Variants in CACNA1A observed in about 807,000 individuals in gnomAD.
CACNA1A encodes calcium voltage-gated channel subunit alpha1 A, also known as voltage-dependent P/Q-type calcium channel subunit alpha-1A.
A neutral mutation model predicts 262.4 loss-of-function variants in CACNA1A; 57 were observed. The ratio of observed to expected loss-of-function variants is 0.22; its 90% CI spans 0.18 to 0.27. The LOEUF is 0.27. Among genes scored for constraint, CACNA1A ranks in the 10% least tolerant of loss-of-function variants. CACNA1A has a pLI of 1.00. For synonymous variants in CACNA1A, 1,431 were observed against 1,419.3 expected, an observed-to-expected ratio of 1.01 and a Z score of -0.18; for missense variants, 2,526 against 3,562.8, an observed-to-expected ratio of 0.71 and a Z score of 7.41.
At chr19:13,446,968 GA>G (rs2060827394) in intron 3 of CACNA1A, among the ~76,000 whole-genome samples, 1 of 152,070 alleles carries the variant, frequency 6.6e-6, no homozygotes, top group Non-Finnish European at 1.5e-5. Context: ...TTGGAATTTG[GA>G]GTAATAAAAT....
At chr19:13,289,569 T>C (rs1473922845) in intron 19 of CACNA1A, among the ~76,000 whole-genome samples, 1 of 152,170 alleles carries the variant, frequency 6.6e-6, no homozygotes, top group Admixed American at 6.5e-5. Context: ...TCCTGGAGAC[T>C]GAAGCAATGA....
At chr19:13,319,442 T>C (rs1392786813) in intron 10 of CACNA1A, among the ~76,000 whole-genome samples, 2 of 152,214 alleles carry the variant, frequency 1.3e-5, no homozygotes, top group Admixed American at 1.3e-4. Context: ...CCATTCATTA[T>C]TCATTTGCTC....
rs2144767685 is a variant in CACNA1A at position 13,261,614 on chromosome 19, T to C, written c.4090-4A>G. On this transcript the variant is annotated splice_region_variant and splice_polypyrimidine_tract_variant and intron_variant, in intron 25 of 46. Coordinates refer to ENST00000360228, the MANE Select transcript of CACNA1A (RefSeq NM_001127222.2). Reference sequence around the variant, plus strand: ...TCACCACACAGTCAAACACAGCCTGTGGGGTGGAGTTGACAGAGAGCATGA... The same window carrying C: ...TCACCACACAGTCAAACACAGCCTGCGGGGTGGAGTTGACAGAGAGCATGA... 2 of 1,606,888 alleles carry C rather than the reference T, an allele frequency of 1.2e-6. No individual in the cohort carries two copies. The highest frequency in any genetic ancestry group is 1.7e-5 in the Admixed American group (1 of 58,584).
chr19:13,440,471 T>C (rs2060697969), intron 3 of CACNA1A, among the ~76,000 whole-genome samples: 1 of 152,242 alleles, frequency 6.6e-6, no homozygotes, highest in African/African-American at 2.4e-5. Flanking sequence ...CTAACTGGTC[T>C]ATGGAACTGG....
intron 3 of CACNA1A, among the ~76,000 whole-genome samples, chr19:13,443,449 C>T (rs1473241364): frequency 6.6e-6 from 1 of 152,098 alleles, no homozygotes; most frequent in Non-Finnish European, 1.5e-5. Flanking sequence ...TCAAGCAATC[C>T]TCCTGCCTCA....
chr19:13,447,639 A>T (rs2060840129), intron 3 of CACNA1A, among the ~76,000 whole-genome samples: 1 of 152,224 alleles, frequency 6.6e-6, no homozygotes, highest in Non-Finnish European at 1.5e-5. Flanking sequence ...GAGTCCTCAA[A>T]CCTCAAAAGT....
intron 1 of CACNA1A, among the ~76,000 whole-genome samples, chr19:13,462,586 T>C (rs1357160930): frequency 1.3e-5 from 2 of 152,246 alleles, no homozygotes; most frequent in Admixed American, 6.5e-5. Flanking sequence ...GTAAGCACTT[T>C]GTTTCAGTTA....
intron 6 of CACNA1A, among the ~76,000 whole-genome samples, chr19:13,352,952 T>C (rs1235062014): frequency 6.6e-6 from 1 of 152,096 alleles, no homozygotes; most frequent in Non-Finnish European, 1.5e-5. Context: ...TTTGTATTTT[T>C]AGTAGAGATG....
intron 3 of CACNA1A, among the ~76,000 whole-genome samples, chr19:13,414,272 C>T (rs938928499): frequency 2.0e-5 from 3 of 151,986 alleles, no homozygotes; most frequent in Admixed American, 1.3e-4. Flanking sequence ...ATGGTGCATG[C>T]CTGTGGTCCC....
intron 37 of CACNA1A, 92 bp downstream of exon 37, chr19:13,227,339 C>T (rs1168009297): frequency 3.6e-5 from 20 of 550,158 alleles, no homozygotes; most frequent in East Asian, 9.4e-5. Context: ...GAGAGTCGGC[C>T]GGGTGTTTCT....
At chr19:13,239,673 G>A (rs1373082036) in intron 31 of CACNA1A, among the ~76,000 whole-genome samples, 2 of 152,136 alleles carry the variant, frequency 1.3e-5, no homozygotes, top group Non-Finnish European at 2.9e-5. Context: ...AGGCAGTTGA[G>A]ATTTAACAGA....
chr19:13,297,109 CTTA>C (rs942736614), intron 19 of CACNA1A, among the ~76,000 whole-genome samples: 6 of 152,262 alleles, frequency 3.9e-5, no homozygotes, highest in South Asian at 2.1e-4. Flanking sequence ...TTACCGAGCA[CTTA>C]TTATGTGTCA....
At chr19:13,263,564 G>C (rs1290026189) in intron 24 of CACNA1A, 2 of 152,518 alleles carry the variant, frequency 1.3e-5, no homozygotes, top group African/African-American at 4.9e-5. Context: ...TTGTTGCCCA[G>C]GCTGGAGTGC....
At chr19:13,327,438 G>A (rs1374722416) in intron 10 of CACNA1A, among the ~76,000 whole-genome samples, 1 of 149,650 alleles carries the variant, frequency 6.7e-6, no homozygotes, top group Non-Finnish European at 1.5e-5. Context: ...CACCTGCCTT[G>A]TTAACAGAGG....
intron 3 of CACNA1A, among the ~76,000 whole-genome samples, chr19:13,374,451 T>C (rs183643859): frequency 1.1e-4 from 17 of 152,272 alleles, no homozygotes; most frequent in African/African-American, 4.1e-4. Context: ...GGTCTTGCTA[T>C]ATTGCCCAGG....
chr19:13,403,002 T>C (rs1196613395), intron 3 of CACNA1A, among the ~76,000 whole-genome samples: 1 of 149,492 alleles, frequency 6.7e-6, no homozygotes, highest in Non-Finnish European at 1.5e-5. Flanking sequence ...CAAATATCAC[T>C]TTCCCAATAA....
chr19:13,264,732 C>T (rs1278589197), intron 24 of CACNA1A, among the ~76,000 whole-genome samples: 1 of 152,228 alleles, frequency 6.6e-6, no homozygotes, highest in Non-Finnish European at 1.5e-5. Context: ...CATTTCCTGA[C>T]TGCCTACCTC....
intron 3 of CACNA1A, among the ~76,000 whole-genome samples, chr19:13,397,168 G>A (rs1201006536): frequency 6.6e-6 from 1 of 152,152 alleles, no homozygotes; most frequent in Non-Finnish European, 1.5e-5. Flanking sequence ...CCCACCTGAA[G>A]ACCTTGAAGT....
Position 13,496,660 on chromosome 19 carries a change from A to G in CACNA1A, c.293+9272T>C, listed in dbSNP as rs1264385050. Among the ~76,000 whole-genome samples, 3 of 152,210 alleles carry G rather than the reference A, an allele frequency of 2.0e-5. No homozygotes were observed. In the East Asian group the frequency reaches 5.8e-4, roughly 29 times the overall value. ...TGGGTTAACAACACAGACGCCAAAA[A>G]TAACAGAGATCAAGGGAGTTGAGAG... On this transcript the variant is annotated intron_variant, in intron 1 of 46. Coordinates refer to ENST00000360228, the MANE Select transcript of CACNA1A (RefSeq NM_001127222.2).
Sources: gnomAD v4.1 joint callset for allele counts (sites outside exome capture counted in the v4.1 genomes callset) on GRCh38, gnomAD v4.1.1 for gene constraint, MANE v1.5 for transcripts, NCBI Gene and HGNC (gene_info 2026-07-23, HGNC 2026-07-21) for gene names.